Variants in ABHD18 observed in about 807,000 individuals in gnomAD.
The protein encoded by ABHD18 is abhydrolase domain containing 18.
ABHD18 carries 55 observed loss-of-function variants against 65.9 expected under a neutral mutation model. That is an observed-to-expected ratio of 0.84 (90% CI 0.67 to 1.05). The LOEUF is 1.05. Ranked by LOEUF, ABHD18 falls within the 50% of genes least tolerant of loss-of-function variation. The probability of loss-of-function intolerance (pLI) is 0.00; values close to 1 mark genes in which losing one functional copy is unlikely to be tolerated. For missense variants in ABHD18, 533 were observed against 558.5 expected (o/e 0.95, Z 0.46); for synonymous variants, 181 against 180.2 (o/e 1.00, Z -0.04).
At chr4:128,008,072 G>A (rs1753918142) in intron 4 of ABHD18, among the ~76,000 whole-genome samples, 1 of 151,808 alleles carries the variant, frequency 6.6e-6, no homozygotes, top group Non-Finnish European at 1.5e-5. Flanking sequence ...GACCAGTCTG[G>A]TCAACGTGGT....
intron 2 of ABHD18, among the ~76,000 whole-genome samples, 181 bp downstream of exon 2, chr4:127,983,228 C>T (rs143027224): frequency 1.6e-3 from 239 of 152,208 alleles, no homozygotes; most frequent in Middle Eastern, 3.4e-3. Context: ...TAAATTTTAG[C>T]CCATATCATA....
rs1185727618 is a variant in ABHD18, at chr4:128,036,801, TTTACTAAAGA to T, written c.*992_*1001del. ...GCATTAGACTTTGCTAGACTAAAAC[TTTACTAAAGA>T]TTAGGGTTTTTAAAAAATGCCAATA... On this transcript the variant is annotated 3_prime_UTR_variant, in exon 13 of 13. Transcript: ENST00000645843. 4.6e-5 allele frequency: 7 copies of T among 151,330 alleles called. No homozygotes were observed. The highest frequency in any genetic ancestry group is 7.4e-5 in the Non-Finnish European group (5 of 67,888). 9.4% of individuals were successfully genotyped at this position (151,330 alleles called of 1,614,324 possible). A position where few individuals can be genotyped will look rare whatever the true frequency, so the allele number is the denominator to read the frequency against.
At chr4:128,031,459 C>T (rs1341944072) in intron 12 of ABHD18, 1 of 152,032 alleles carries the variant, frequency 6.6e-6, no homozygotes, top group Non-Finnish European at 1.5e-5. Flanking sequence ...CAGAGCGAGA[C>T]TCCGTCTCAA....
intron 10 of ABHD18, among the ~76,000 whole-genome samples, chr4:128,024,280 G>A (rs994846415): frequency 7.2e-5 from 11 of 152,130 alleles, no homozygotes; most frequent in African/African-American, 2.4e-4. Flanking sequence ...ATCCATTCCC[G>A]GTAACTAACC....
At chr4:127,981,141 T>A (rs1748966380) in intron 1 of ABHD18, among the ~76,000 whole-genome samples, 1 of 152,158 alleles carries the variant, frequency 6.6e-6, no homozygotes, top group African/African-American at 2.4e-5. Context: ...CTTAAATACT[T>A]ACAGTCTCTA....
chr4:127,985,564 TA>T (rs1414614771), intron 3 of ABHD18, among the ~76,000 whole-genome samples: 1 of 151,972 alleles, frequency 6.6e-6, no homozygotes, highest in Non-Finnish European at 1.5e-5. Flanking sequence ...TTTTTTCTAT[TA>T]AAAAATTATA....
At position 128,030,428 on chromosome 4, in the gene ABHD18, C is replaced by T. The variant is rs111807649; in HGVS notation, c.1181-82C>T. 425 of 958,978 alleles carry T rather than the reference C, an allele frequency of 4.4e-4. 2 individuals are homozygous for T. The African/African-American group carries it at 5.9e-3, about 13-fold the overall frequency. 59.4% of individuals were successfully genotyped at this position (958,978 alleles called of 1,614,324 possible). A position where few individuals can be genotyped will look rare whatever the true frequency, so the allele number is the denominator to read the frequency against. On this transcript the variant is annotated intron_variant, in intron 11 of 12. Coordinates refer to ENST00000645843, the MANE Select transcript of ABHD18 (RefSeq NM_001358451.3). ...ATTTAATCAAAAATGTTTAGTTTGA[C>T]GAATGTTTTATTTACTGCATTGTGT...
At chr4:127,995,511 C>T (rs766835011) in intron 4 of ABHD18, among the ~76,000 whole-genome samples, 24 of 151,906 alleles carry the variant, frequency 1.6e-4, no homozygotes, top group Non-Finnish European at 2.6e-4. Context: ...TTAATAGACT[C>T]GTGATTTTAA....
chr4:128,013,494 A>T (rs1754932781), intron 7 of ABHD18, among the ~76,000 whole-genome samples: 1 of 152,092 alleles, frequency 6.6e-6, no homozygotes, highest in Admixed American at 6.6e-5. Flanking sequence ...AGGTCAGGAG[A>T]TTGAGACCAT....
At chr4:128,012,344 T>C (rs1030990640) in intron 7 of ABHD18, among the ~76,000 whole-genome samples, 3 of 152,210 alleles carry the variant, frequency 2.0e-5, no homozygotes, top group African/African-American at 4.8e-5. Flanking sequence ...ATGCATAGTA[T>C]AGAAAATCTG....
At chr4:128,019,732 T>C (rs1756153829) in intron 8 of ABHD18, among the ~76,000 whole-genome samples, 1 of 152,202 alleles carries the variant, frequency 6.6e-6, no homozygotes, top group Non-Finnish European at 1.5e-5. Flanking sequence ...TAGTTGTGAT[T>C]TTGCTCTATC....
At chr4:127,982,260 C>G (rs1749188361) in intron 1 of ABHD18, among the ~76,000 whole-genome samples, 1 of 152,018 alleles carries the variant, frequency 6.6e-6, no homozygotes, top group Non-Finnish European at 1.5e-5. Context: ...CAGGTTTCAC[C>G]CGCAAATCAA....
intron 4 of ABHD18, among the ~76,000 whole-genome samples, chr4:128,000,633 A>G (rs1752505839): frequency 1.3e-5 from 2 of 152,072 alleles, no homozygotes; most frequent in South Asian, 4.1e-4. Context: ...TTGGTTCCGT[A>G]TATGAATTTT....
At chr4:128,019,650 T>G (rs112243198) in intron 8 of ABHD18, among the ~76,000 whole-genome samples, 16 of 152,362 alleles carry the variant, frequency 1.1e-4, no homozygotes, top group African/African-American at 3.4e-4. Flanking sequence ...ATTTTAGATC[T>G]ATTATATAAT....
chr4:128,030,725 AT>A, intron 12 of ABHD18, 53 bp downstream of exon 12: 1 of 1,507,058 alleles, frequency 6.6e-7, no homozygotes, highest in Non-Finnish European at 8.8e-7. Flanking sequence ...TGTTTTCTGG[AT>A]TTTTTGCTTC....
At chr4:128,005,861 T>A (rs563745131) in intron 4 of ABHD18, among the ~76,000 whole-genome samples, 1 of 152,214 alleles carries the variant, frequency 6.6e-6, no homozygotes, top group Non-Finnish European at 1.5e-5. Flanking sequence ...GTCTCTTGTC[T>A]CTGCTTTATG....
intron 3 of ABHD18, among the ~76,000 whole-genome samples, chr4:127,988,713 A>G (rs1278661721): frequency 6.6e-6 from 1 of 152,194 alleles, no homozygotes; most frequent in African/African-American, 2.4e-5. Context: ...GCAAATCAAA[A>G]TTACAGTGAT....
At chr4:127,967,007 A>C (rs1375857086) in intron 1 of ABHD18, among the ~76,000 whole-genome samples, 3 of 152,086 alleles carry the variant, frequency 2.0e-5, no homozygotes, top group Admixed American at 2.0e-4. Flanking sequence ...TCACAAAAAC[A>C]AGTCAGATTT....
At chr4:128,013,771 A>C (rs948307814) in intron 7 of ABHD18, among the ~76,000 whole-genome samples, 4 of 152,132 alleles carry the variant, frequency 2.6e-5, no homozygotes, top group Non-Finnish European at 5.9e-5. Context: ...TGGAGAAATC[A>C]AGTAGGCAGT....
Sources: gnomAD v4.1 joint callset for allele counts (sites outside exome capture counted in the v4.1 genomes callset) on GRCh38, gnomAD v4.1.1 for gene constraint, MANE v1.5 for transcripts, NCBI Gene and HGNC (gene_info 2026-07-23, HGNC 2026-07-21) for gene names.